TBXAS1: variants seen among roughly 807,000 people sequenced by gnomAD.
TBXAS1 encodes thromboxane A synthase 1.
Under a neutral mutation model 60.7 loss-of-function variants are expected in TBXAS1, and 48 were observed. That is an observed-to-expected ratio of 0.79 (90% CI 0.63 to 1.01). The LOEUF is 1.01. Among genes scored for constraint, TBXAS1 ranks in the 50% least tolerant of loss-of-function variants. The probability of loss-of-function intolerance (pLI) is 0.00; values close to 1 mark genes in which losing one functional copy is unlikely to be tolerated. For synonymous variants in TBXAS1, 287 were observed against 269.7 expected (o/e 1.06, Z -0.63); for missense variants, 685 against 686.3 (o/e 1.00, Z 0.02).
In TBXAS1 at chr7:139,843,948, T is replaced by C. The variant is rs535831658; in HGVS notation, c.89+14469T>C. 2.0e-5 allele frequency among the ~76,000 whole-genome samples: 3 copies of C among 152,374 alleles called. No homozygotes were observed. In the South Asian group the frequency reaches 6.2e-4, roughly 32 times the overall value. ...GCAGAATGCCTTGCACAAGGCTTATTGAAAAGGGAAATAAATCTTGATTCA... is the reference window on the plus strand; with the variant it reads ...GCAGAATGCCTTGCACAAGGCTTATCGAAAAGGGAAATAAATCTTGATTCA... On this transcript the variant is annotated intron_variant, in intron 1 of 12. Transcript: ENST00000448866.
chr7:139,962,959 G>A (rs1810487037), intron 9 of TBXAS1: 1 of 152,376 alleles, frequency 6.6e-6, no homozygotes, highest in Non-Finnish European at 1.5e-5. Flanking sequence ...GTTACATTCT[G>A]ATATGATTGC....
At chr7:139,842,699 G>T (rs1799535109) in intron 1 of TBXAS1, among the ~76,000 whole-genome samples, 1 of 152,242 alleles carries the variant, frequency 6.6e-6, no homozygotes, top group African/African-American at 2.4e-5. Flanking sequence ...TGATAGGGGA[G>T]TTCCCTGGAG....
intron 1 of TBXAS1, among the ~76,000 whole-genome samples, chr7:139,847,238 A>G (rs376713511): frequency 6.6e-6 from 1 of 152,344 alleles, no homozygotes; most frequent in African/African-American, 2.4e-5. Flanking sequence ...TCTGATTTTA[A>G]CAGTAAGAGT....
chr7:139,798,576 A>G (rs1299147808), intron 4 of TBXAS1, among the ~76,000 whole-genome samples: 1 of 152,176 alleles, frequency 6.6e-6, no homozygotes, highest in Non-Finnish European at 1.5e-5. Flanking sequence ...TCTATGCAGG[A>G]GATCAGCATC....
At chr7:140,016,071 G>A (rs1392173771) in intron 11 of TBXAS1, among the ~76,000 whole-genome samples, 2 of 152,304 alleles carry the variant, frequency 1.3e-5, no homozygotes, top group Non-Finnish European at 2.9e-5. Flanking sequence ...GCTCATGCCT[G>A]TAATCCCAGC....
At chr7:139,967,797 C>A (rs752840399) in intron 9 of TBXAS1, among the ~76,000 whole-genome samples, 2 of 152,180 alleles carry the variant, frequency 1.3e-5, no homozygotes, top group African/African-American at 4.8e-5. Flanking sequence ...TGTTTGCCCA[C>A]CCCTGTACAT....
At chr7:139,913,343 T>C (rs1432955773) in intron 4 of TBXAS1, 2 of 558,684 alleles carry the variant, frequency 3.6e-6, no homozygotes, top group Non-Finnish European at 6.5e-6. Flanking sequence ...GAGTGCTGAT[T>C]AAAGAAGTTG....
Position 139,872,315 on chromosome 7 carries a change from C to G in TBXAS1, c.170C>G (p.Thr57Arg). 1 of 1,613,880 alleles carries G rather than the reference C, an allele frequency of 6.2e-7. No homozygotes were observed. The highest frequency in any genetic ancestry group is 1.7e-5 in the Admixed American group (1 of 60,016). The stretch of plus-strand genomic sequence containing the variant: ...CCTTCTCCTTTCATTGGAAACTTGA[C>G]ATTTTTCCGCCAGGTAAGGGCTGTC... ...PKPSPFIGNL[T>R]FFRQGFWESQ... Residue 57 changes from threonine to arginine, a missense_variant, in exon 2 of 13, where the codon ACA becomes AGA. By Grantham distance (71) the Thr-to-Arg change is moderately conservative. Transcript: ENST00000448866.
At chr7:139,859,428 A>C (rs527483623) in intron 1 of TBXAS1, among the ~76,000 whole-genome samples, 27 of 149,490 alleles carry the variant, frequency 1.8e-4, no homozygotes, top group Admixed American at 4.0e-4. Context: ...GGATGGTCTC[A>C]ATCTTCTTAC....
At chr7:139,897,428 G>A (rs1362521003) in intron 3 of TBXAS1, among the ~76,000 whole-genome samples, 1 of 152,154 alleles carries the variant, frequency 6.6e-6, no homozygotes, top group Non-Finnish European at 1.5e-5. Flanking sequence ...AGGACATCAT[G>A]TGCCACATGC....
chr7:139,872,646 A>G (rs1243266624), intron 2 of TBXAS1, among the ~76,000 whole-genome samples: 2 of 152,162 alleles, frequency 1.3e-5, no homozygotes, highest in African/African-American at 4.8e-5. Flanking sequence ...AAGAGCAAAA[A>G]TCTGTCTCAA....
At chr7:139,791,808 G>GTTTTTTTTTT (rs10617891) in intron 4 of TBXAS1, among the ~76,000 whole-genome samples, 1 of 70,366 alleles carries the variant, frequency 1.4e-5, no homozygotes, top group Non-Finnish European at 4.6e-5. Context: ...GGAATGTTTT[G>GTTTTTTTTTT]TTTTTTTTTT....
chr7:139,788,138 GGTT>G (rs1305178501), intron 4 of TBXAS1, among the ~76,000 whole-genome samples: 1 of 152,188 alleles, frequency 6.6e-6, no homozygotes, highest in Admixed American at 6.5e-5. Flanking sequence ...TGGCTTCTGA[GGTT>G]GTTAGCCTAC....
At chr7:139,961,272 C>A (rs923743958) in intron 8 of TBXAS1, among the ~76,000 whole-genome samples, 2 of 152,186 alleles carry the variant, frequency 1.3e-5, no homozygotes, top group African/African-American at 4.8e-5. Context: ...TGTTAACTTC[C>A]TACTGTGTGA....
In TBXAS1 at chr7:139,975,777, T is replaced by C. The variant is rs770781075; in HGVS notation, c.1134+13544T>C. Among the ~76,000 whole-genome samples, 3 of 152,182 alleles carry C rather than the reference T, an allele frequency of 2.0e-5. No individual in the cohort carries two copies. The highest frequency in any genetic ancestry group is 2.9e-5 in the Non-Finnish European group (2 of 68,032). ...CTTGCCATGTCCTTTTCACGGTCCA[T>C]CCTCTGAGTTTGTGAATTATCTTTC... On this transcript the variant is annotated intron_variant, in intron 9 of 12. Transcript: ENST00000448866. The surrounding 1 kb of genome is among the most constrained non-coding windows in gnomAD (Gnocchi z 4.4).
chr7:139,847,226 T>C (rs1032772492), intron 1 of TBXAS1, among the ~76,000 whole-genome samples: 5 of 152,212 alleles, frequency 3.3e-5, no homozygotes, highest in African/African-American at 1.2e-4. Context: ...TTACATTTAT[T>C]TTCTGATTTT....
chr7:139,930,570 G>C (rs17133482), intron 4 of TBXAS1, among the ~76,000 whole-genome samples: 5,279 of 152,188 alleles, frequency 0.035, 186 homozygotes, highest in African/African-American at 0.097. Flanking sequence ...CATTATCCTG[G>C]CAAGCCCAAA....
intron 1 of TBXAS1, among the ~76,000 whole-genome samples, chr7:139,861,671 G>GT (rs1800977872): frequency 6.6e-6 from 1 of 152,158 alleles, no homozygotes; most frequent in Non-Finnish European, 1.5e-5. Flanking sequence ...AATTAAGTGC[G>GT]TAACATCTGA....
intron 3 of TBXAS1, among the ~76,000 whole-genome samples, chr7:139,887,348 A>T (rs1272511451): frequency 6.6e-6 from 1 of 152,210 alleles, no homozygotes; most frequent in African/African-American, 2.4e-5. Flanking sequence ...ATTGTCGTGC[A>T]GCTATCATCA....
Sources: allele counts gnomAD v4.1 joint callset (sites outside exome capture counted in the v4.1 genomes callset), GRCh38; gene constraint gnomAD v4.1.1; non-coding constraint Gnocchi (gnomAD v3.1); transcripts MANE v1.5; gene names NCBI Gene and HGNC (gene_info 2026-07-23, HGNC 2026-07-21).